The following PRKN variants were observed in gnomAD, a reference collection of about 807,000 sequenced individuals.
The protein encoded by PRKN is parkin RBR E3 ubiquitin protein ligase.
Under a neutral mutation model 59.5 loss-of-function variants are expected in PRKN, and 56 were observed. That is an observed-to-expected ratio of 0.94 (90% CI 0.76 to 1.18). PRKN has a LOEUF of 1.18. Among genes scored for constraint, PRKN ranks in the 50% most tolerant of loss-of-function variants. The pLI is 0.00. For missense variants in PRKN, 657 were observed against 596.4 expected (o/e 1.10, Z -1.06); for synonymous variants, 250 against 222.1 (o/e 1.13, Z -1.12).
chr6:162,488,790 G>A (rs1383811885), intron 1 of PRKN, among the ~76,000 whole-genome samples: 1 of 152,208 alleles, frequency 6.6e-6, no homozygotes, highest in Non-Finnish European at 1.5e-5. Context: ...ACTAGCCCCT[G>A]CCAGGCTCTT....
chr6:161,568,915 C>T (rs9458308), intron 8 of PRKN, among the ~76,000 whole-genome samples: 1,766 of 151,812 alleles, frequency 0.012, 49 homozygotes, highest in African/African-American at 0.04. Flanking sequence ...TGTTCATACC[C>T]GTGTACAAAA....
At chr6:161,910,196 C>T (rs1436949677) in intron 6 of PRKN, among the ~76,000 whole-genome samples, 2 of 152,056 alleles carry the variant, frequency 1.3e-5, no homozygotes, top group Non-Finnish European at 2.9e-5. Context: ...CTTGAGATGG[C>T]GTCTACTTCT....
chr6:162,531,505 T>C (rs914795827), intron 1 of PRKN, among the ~76,000 whole-genome samples: 1 of 152,120 alleles, frequency 6.6e-6, no homozygotes, highest in Admixed American at 6.6e-5. Context: ...GAGTGCTGAT[T>C]GGCCAGAGAT....
intron 2 of PRKN, among the ~76,000 whole-genome samples, chr6:162,305,858 CTATA>C (rs1437091026): frequency 1.3e-5 from 2 of 151,952 alleles, no homozygotes; most frequent in African/African-American, 2.4e-5. Context: ...ATACACCTAT[CTATA>C]GTATCTATAT....
intron 6 of PRKN, among the ~76,000 whole-genome samples, chr6:161,801,555 G>T (rs56968961): frequency 0.035 from 5,334 of 152,266 alleles, 320 homozygotes; most frequent in African/African-American, 0.12. Context: ...CGGTTTCTAA[G>T]ACCTGCCTCT....
rs564041537 is a variant in PRKN at position 161,904,903 on chromosome 6, C to T, written c.734+68399G>A. Among the ~76,000 whole-genome samples, 17 of 152,210 alleles carry T rather than the reference C, an allele frequency of 1.1e-4. No homozygotes were observed. In the South Asian group the frequency reaches 3.5e-3, roughly 32 times the overall value. ...GGGGGAGTCAGGATAGGACTGCAGC[C>T]GTGGAGGTCAAGGTGTGGATGGCTC... On this transcript the variant is annotated intron_variant, in intron 6 of 11. Transcript: ENST00000366898.
intron 2 of PRKN, among the ~76,000 whole-genome samples, chr6:162,324,334 T>C (rs2097441400): frequency 6.6e-6 from 1 of 152,114 alleles, no homozygotes; most frequent in Non-Finnish European, 1.5e-5. Flanking sequence ...GGGGAATTTC[T>C]GTGTTTACTG....
chr6:162,248,758 T>C (rs760580412), intron 3 of PRKN, among the ~76,000 whole-genome samples: 3 of 152,200 alleles, frequency 2.0e-5, no homozygotes, highest in Non-Finnish European at 2.9e-5. Flanking sequence ...ATGAGTTAAA[T>C]TATGGCTACT....
intron 1 of PRKN, among the ~76,000 whole-genome samples, chr6:162,469,344 GGT>G (rs1583625476): frequency 6.9e-6 from 1 of 144,028 alleles, no homozygotes; most frequent in East Asian, 2.2e-4. Flanking sequence ...AAAGTGGGGG[GGT>G]TGCAGGGGGG....
chr6:161,631,574 T>C (rs980085372), intron 7 of PRKN, among the ~76,000 whole-genome samples: 4 of 152,254 alleles, frequency 2.6e-5, no homozygotes, highest in African/African-American at 4.8e-5. Flanking sequence ...GCATCTTATT[T>C]ATTTAAAAAT....
chr6:161,637,305 T>C (rs926378662), intron 7 of PRKN, among the ~76,000 whole-genome samples: 3 of 151,970 alleles, frequency 2.0e-5, no homozygotes, highest in African/African-American at 4.8e-5. Flanking sequence ...GGCAAGGAGG[T>C]TACATCATGG....
chr6:162,050,517 T>C (rs1354823110), intron 5 of PRKN, among the ~76,000 whole-genome samples: 1 of 152,074 alleles, frequency 6.6e-6, no homozygotes, highest in Non-Finnish European at 1.5e-5. Flanking sequence ...ATTTCAGTTC[T>C]ATCCCTTGAA....
In PRKN at chr6:161,971,112, C is replaced by T. The variant is rs147370592; in HGVS notation, c.734+2190G>A. The stretch of plus-strand genomic sequence containing the variant: ...CTTAAGATGCATCTGGATATAGTCG[C>T]TTCTATTTATAAATTCTCCCAAAGG... On this transcript the variant is annotated intron_variant, in intron 6 of 11. Transcript: ENST00000366898. Among the ~76,000 whole-genome samples the T allele has an allele frequency of 9.2e-5, 14 of 152,232 alleles. No homozygotes were observed. The East Asian group carries it at 2.1e-3, about 23-fold the overall frequency.
chr6:162,689,223 C>G (rs1186951229), intron 1 of PRKN, among the ~76,000 whole-genome samples: 1 of 152,184 alleles, frequency 6.6e-6, no homozygotes, highest in African/African-American at 2.4e-5. Flanking sequence ...TAGTTCACAA[C>G]AGGGGCATTA....
chr6:161,603,574 C>T (rs553567347), intron 7 of PRKN, among the ~76,000 whole-genome samples: 2 of 152,256 alleles, frequency 1.3e-5, no homozygotes, highest in African/African-American at 2.4e-5. Flanking sequence ...CTATTTTATT[C>T]ACTCTTCCCT....
chr6:161,811,100 A>G (rs112719461), intron 6 of PRKN, among the ~76,000 whole-genome samples: 8 of 152,324 alleles, frequency 5.3e-5, no homozygotes, highest in African/African-American at 1.9e-4. Context: ...TAACTCTAAA[A>G]TTTATATGGA....
intron 6 of PRKN, among the ~76,000 whole-genome samples, chr6:161,970,789 C>T (rs1228477095): frequency 1.3e-5 from 2 of 151,954 alleles, no homozygotes; most frequent in East Asian, 2.0e-4. Context: ...CCACCTGCCT[C>T]GGCCTCCCAA....
intron 6 of PRKN, among the ~76,000 whole-genome samples, chr6:161,903,971 G>A (rs769772135): frequency 3.9e-5 from 6 of 151,904 alleles, no homozygotes; most frequent in Non-Finnish European, 5.9e-5. Context: ...GGAGAAACAG[G>A]AGGGAAGCAG....
At chr6:162,612,744 C>T (rs898389440) in intron 1 of PRKN, among the ~76,000 whole-genome samples, 2 of 151,748 alleles carry the variant, frequency 1.3e-5, no homozygotes, top group East Asian at 1.9e-4. Flanking sequence ...CCCAGAGTTA[C>T]GCTTTCCAGA....
Sources: allele counts gnomAD v4.1 joint callset (sites outside exome capture counted in the v4.1 genomes callset), GRCh38; gene constraint gnomAD v4.1.1; transcripts MANE v1.5; gene names NCBI Gene and HGNC (gene_info 2026-07-23, HGNC 2026-07-21).